The following KLC1 variants were observed in gnomAD, a reference collection of about 807,000 sequenced individuals.
The protein encoded by KLC1 is kinesin 2 60/70kDa.
Under a neutral mutation model 84.2 loss-of-function variants are expected in KLC1, and 30 were observed. The observed-to-expected ratio is 0.36, with a 90% CI of 0.27 to 0.48. The LOEUF is 0.48. KLC1 is among the 20% of genes least tolerant of loss of function. The pLI, the probability that KLC1 is intolerant of heterozygous loss-of-function variation, is 0.99. For missense variants in KLC1, 499 were observed against 805.4 expected (o/e 0.62, Z 4.60); for synonymous variants, 289 against 293.3 (o/e 0.99, Z 0.15).
intron 3 of KLC1, among the ~76,000 whole-genome samples, chr14:103,659,346 C>A (rs1210737367): frequency 6.6e-6 from 1 of 152,180 alleles, no homozygotes; most frequent in East Asian, 1.9e-4. Context: ...AAATTTTACC[C>A]TCCTCTCAAG....
At chr14:103,680,562 G>A (rs2081268677) in intron 13 of KLC1, among the ~76,000 whole-genome samples, 2 of 152,134 alleles carry the variant, frequency 1.3e-5, no homozygotes, top group South Asian at 4.1e-4. Context: ...AGCAAAATTT[G>A]AGGGAGAACA....
At chr14:103,652,449 T>C (rs1446165787) in intron 1 of KLC1, among the ~76,000 whole-genome samples, 10 of 152,026 alleles carry the variant, frequency 6.6e-5, no homozygotes, top group Non-Finnish European at 1.5e-4. Flanking sequence ...CTGTGTTAAA[T>C]AAATACTAAC....
intron 3 of KLC1, among the ~76,000 whole-genome samples, chr14:103,661,431 C>T (rs950795621): frequency 3.3e-5 from 5 of 152,086 alleles, no homozygotes; most frequent in East Asian, 1.9e-4. Flanking sequence ...AGTTGGGGTT[C>T]GTCTAATGCC....
chr14:103,647,223 T>C (rs547509005), intron 1 of KLC1, among the ~76,000 whole-genome samples: 22 of 152,088 alleles, frequency 1.4e-4, no homozygotes, highest in African/African-American at 5.3e-4. Flanking sequence ...AGAAACTTTT[T>C]TTTTATTTTT....
chr14:103,668,473 CTTTTTTCTTTT>C (rs1320707450), intron 5 of KLC1, among the ~76,000 whole-genome samples: 5 of 151,936 alleles, frequency 3.3e-5, no homozygotes, highest in African/African-American at 4.8e-5. Flanking sequence ...TGTGGTTTTT[CTTTTTTCTTTT>C]TTTTTTCTTT....
At chr14:103,649,220 C>T (rs2078193140) in intron 1 of KLC1, among the ~76,000 whole-genome samples, 1 of 151,202 alleles carries the variant, frequency 6.6e-6, no homozygotes, top group African/African-American at 2.4e-5. Context: ...TTGCTTGAGT[C>T]TAGGAGTGCA....
Position 103,694,491 on chromosome 14 carries a change from A to C in KLC1, c.1848+2066A>C, listed in dbSNP as rs2082308605. The C allele has an allele frequency of 1.0e-6, 1 of 985,392 alleles. No individual in the cohort carries two copies. Among genetic ancestry groups the C allele is most frequent in the African/African-American group, 1.7e-5 (1 of 57,252 alleles). The allele number at this position is 985,392 out of a possible 1,614,324, so 61.0% of individuals were successfully genotyped here. A position where few individuals can be genotyped will look rare whatever the true frequency, so the allele number is the denominator to read the frequency against. ...AAGCTTAAGCTTTATGGAATGAGGGAGCACGGTGGACTCTGACAGGAACCT... is the reference window on the plus strand; with the variant it reads ...AAGCTTAAGCTTTATGGAATGAGGGCGCACGGTGGACTCTGACAGGAACCT... On this transcript the variant is annotated intron_variant, in intron 15 of 16. Coordinates refer to ENST00000334553, the MANE Select transcript of KLC1 (RefSeq NM_001394837.1). This position sits in a 1 kb window ranked among gnomAD's most constrained non-coding sequence, Gnocchi z 4.5.
chr14:103,641,559 A>G (rs528341475), intron 1 of KLC1, among the ~76,000 whole-genome samples: 1 of 152,266 alleles, frequency 6.6e-6, no homozygotes, highest in African/African-American at 2.4e-5. Context: ...TCACATGGTG[A>G]AAAGAGTGTG....
chr14:103,690,096 C>T (rs774799557), intron 14 of KLC1, among the ~76,000 whole-genome samples: 1 of 151,870 alleles, frequency 6.6e-6, no homozygotes, highest in Non-Finnish European at 1.5e-5. Flanking sequence ...AGGAGAATCA[C>T]TGGAACCCAG....
chr14:103,646,579 T>C (rs2077948626), intron 1 of KLC1, among the ~76,000 whole-genome samples: 1 of 152,178 alleles, frequency 6.6e-6, no homozygotes. Context: ...GGCACAGTCA[T>C]GGCTCACTGC....
chr14:103,693,736 T>C lies in KLC1; in HGVS notation c.1848+1311T>C. On this transcript the variant is annotated intron_variant, in intron 15 of 16. Coordinates refer to ENST00000334553, the MANE Select transcript of KLC1 (RefSeq NM_001394837.1). This position sits in a 1 kb window ranked among gnomAD's most constrained non-coding sequence, Gnocchi z 5.1. ...CTCCTTGGCTTCCTTTCCTAGATAG[T>C]GACGTCCACCAACCTTGGAGGTGCC... 4.1e-6 allele frequency: 6 copies of C among 1,461,440 alleles called. No individual in the cohort carries two copies. The highest frequency in any genetic ancestry group is 5.4e-6 in the Non-Finnish European group (6 of 1,110,384). The allele number at this position is 1,461,440 out of a possible 1,614,324, so 90.5% of individuals were successfully genotyped here. A position where few individuals can be genotyped will look rare whatever the true frequency, so the allele number is the denominator to read the frequency against.
chr14:103,648,544 A>T, intron 1 of KLC1, among the ~76,000 whole-genome samples: 1 of 152,072 alleles, frequency 6.6e-6, no homozygotes, highest in East Asian at 1.9e-4. Context: ...GCACTTTCGG[A>T]GGGTGAAGTG....
chr14:103,667,702 G>T (rs1330717519), intron 5 of KLC1, among the ~76,000 whole-genome samples: 7 of 152,232 alleles, frequency 4.6e-5, no homozygotes, highest in Non-Finnish European at 7.3e-5. Context: ...GCTTACAATA[G>T]GATGTAATAG....
At chr14:103,651,171 G>C (rs1187467452) in intron 1 of KLC1, among the ~76,000 whole-genome samples, 1 of 151,748 alleles carries the variant, frequency 6.6e-6, no homozygotes, top group African/African-American at 2.4e-5. Flanking sequence ...CACCACGCCC[G>C]GCTAATTTTT....
chr14:103,677,055 A>C (rs2080958453), intron 11 of KLC1, among the ~76,000 whole-genome samples: 1 of 152,166 alleles, frequency 6.6e-6, no homozygotes, highest in Non-Finnish European at 1.5e-5. Flanking sequence ...GTTCGTCGTT[A>C]CTGTCAGCGC....
At chr14:103,690,936 A>T (rs982587825) in intron 14 of KLC1, among the ~76,000 whole-genome samples, 11 of 152,226 alleles carry the variant, frequency 7.2e-5, no homozygotes, top group Non-Finnish European at 1.2e-4. Flanking sequence ...TACTGGCTTC[A>T]GAGTTTATTT....
intron 5 of KLC1, among the ~76,000 whole-genome samples, chr14:103,668,021 A>G (rs1400969384): frequency 6.6e-6 from 1 of 152,266 alleles, no homozygotes; most frequent in Non-Finnish European, 1.5e-5. Flanking sequence ...TACCAAGTTC[A>G]GACACAACAA....
chr14:103,675,494 AGATTTTGGAGTTTTG>A, intron 9 of KLC1, 43 bp from the exon 10 acceptor site: 3 of 1,473,114 alleles, frequency 2.0e-6, no homozygotes, highest in Non-Finnish European at 2.8e-6. Flanking sequence ...AGAGCAGTTC[AGATTTTGGAGTTTTG>A]GATTAAGGAT....
chr14:103,640,578 T>G (rs2077410577), intron 1 of KLC1, among the ~76,000 whole-genome samples: 1 of 152,002 alleles, frequency 6.6e-6, no homozygotes, highest in Non-Finnish European at 1.5e-5. Flanking sequence ...ACCAGGATGG[T>G]CTCGATCTCC....
Sources: gnomAD v4.1 joint callset for allele counts (sites outside exome capture counted in the v4.1 genomes callset) on GRCh38, gnomAD v4.1.1 for gene constraint, Gnocchi (gnomAD v3.1) non-coding constraint, MANE v1.5 for transcripts, NCBI Gene and HGNC (gene_info 2026-07-23, HGNC 2026-07-21) for gene names.